PLCL2: variants seen among roughly 807,000 people sequenced by gnomAD.
The protein encoded by PLCL2 is inactive phospholipase C-like protein 2.
PLCL2 carries 4 observed loss-of-function variants against 79.6 expected under a neutral mutation model. The observed-to-expected ratio is 0.05, with a 90% CI of 0.02 to 0.11. PLCL2 has a LOEUF of 0.11. PLCL2 is among the 10% of genes least tolerant of loss of function. PLCL2 has a pLI of 1.00. For missense variants in PLCL2, 895 were observed against 1,291.0 expected, an observed-to-expected ratio of 0.69 and a Z score of 4.70; for synonymous variants, 484 against 457.7, an observed-to-expected ratio of 1.06 and a Z score of -0.73.
chr3:16,940,196 C>T (rs147318973), intron 1 of PLCL2, among the ~76,000 whole-genome samples: 2 of 152,308 alleles, frequency 1.3e-5, no homozygotes, highest in East Asian at 3.9e-4. Flanking sequence ...GACTCGTGCC[C>T]TTTCCCATTG....
intron 5 of PLCL2, among the ~76,000 whole-genome samples, chr3:17,074,480 G>A (rs1345158185): frequency 2.6e-5 from 4 of 152,104 alleles, no homozygotes; most frequent in South Asian, 2.1e-4. Flanking sequence ...AATTAGCATC[G>A]GCTGCTACTT....
At chr3:16,911,793 T>G (rs1213594267) in intron 1 of PLCL2, among the ~76,000 whole-genome samples, 1 of 152,208 alleles carries the variant, frequency 6.6e-6, no homozygotes, top group Admixed American at 6.5e-5. Context: ...CATCTGTAAT[T>G]CAAATATCCA....
chr3:17,021,614 A>AC (rs1271562419), intron 3 of PLCL2, among the ~76,000 whole-genome samples: 3 of 151,668 alleles, frequency 2.0e-5, no homozygotes, highest in African/African-American at 7.3e-5. Flanking sequence ...ACACACACAC[A>AC]CACACACACA....
chr3:17,058,724 G>A (rs2064915952), intron 4 of PLCL2, among the ~76,000 whole-genome samples: 1 of 152,088 alleles, frequency 6.6e-6, no homozygotes, highest in African/African-American at 2.4e-5. Context: ...AGGGATCGCT[G>A]GCCCCTAATG....
Position 16,885,278 on chromosome 3 carries a change from C to T in PLCL2, c.239C>T (p.Ala80Val). The T allele has an allele frequency of 3.0e-6, 2 of 661,708 alleles. No homozygotes were observed. Among genetic ancestry groups the T allele is most frequent in the Admixed American group, 2.3e-5 (1 of 44,200 alleles). 41.0% of individuals were successfully genotyped at this position (661,708 alleles called of 1,614,324 possible). ...ASPTRGPRGV[A>V]LAPTPSAVVC... ...CCTACCAGGGGACCCCGCGGCGTTGCGCTCGCCCCGACCCCCAGCGCGGTC... is the reference window on the plus strand; with the variant it reads ...CCTACCAGGGGACCCCGCGGCGTTGTGCTCGCCCCGACCCCCAGCGCGGTC... Residue 80 changes from alanine to valine, a missense_variant, in exon 1 of 6, where the codon GCG becomes GTG. By Grantham distance (64) the Ala-to-Val change is moderately conservative. Coordinates refer to ENST00000615277, the MANE Select transcript of PLCL2 (RefSeq NM_001144382.2).
At chr3:17,073,909 G>A (rs1003072456) in intron 5 of PLCL2, among the ~76,000 whole-genome samples, 2 of 152,060 alleles carry the variant, frequency 1.3e-5, no homozygotes, top group African/African-American at 4.8e-5. Context: ...TTTCCCCACT[G>A]TCGTCATGAA....
intron 1 of PLCL2, among the ~76,000 whole-genome samples, chr3:16,971,015 C>A (rs2063859691): frequency 6.6e-6 from 1 of 152,050 alleles, no homozygotes; most frequent in African/African-American, 2.4e-5. Flanking sequence ...TGTAGGTTGC[C>A]TGTTCACTCT....
chr3:16,951,584 T>C (rs1285137022), intron 1 of PLCL2, among the ~76,000 whole-genome samples: 1 of 152,092 alleles, frequency 6.6e-6, no homozygotes, highest in Non-Finnish European at 1.5e-5. Flanking sequence ...TTTTAACTTT[T>C]TGAATTGAAA....
intron 5 of PLCL2, among the ~76,000 whole-genome samples, chr3:17,088,888 A>T (rs2065247289): frequency 6.6e-6 from 1 of 152,174 alleles, no homozygotes; most frequent in Admixed American, 6.5e-5. Flanking sequence ...GACCTATATC[A>T]TGTTATACTG....
chr3:16,978,481 T>C (rs1382669171), intron 1 of PLCL2, among the ~76,000 whole-genome samples: 1 of 152,148 alleles, frequency 6.6e-6, no homozygotes, highest in African/African-American at 2.4e-5. Context: ...TCTGGTGAGA[T>C]GAGAGGAGAG....
chr3:16,923,905 T>C (rs1284613334), intron 1 of PLCL2, among the ~76,000 whole-genome samples: 2 of 152,126 alleles, frequency 1.3e-5, no homozygotes, highest in Non-Finnish European at 2.9e-5. Flanking sequence ...TGAAATTTTC[T>C]TTTAAGTTAT....
Position 17,090,590 on chromosome 3 carries a change from A to G in PLCL2, c.*678A>G, listed in dbSNP as rs1171721583. The stretch of plus-strand genomic sequence containing the variant: ...AGTGTTCACATTAAAAAGATGTTTT[A>G]TGATATTTCTCCAATAGCAGTACAT... On this transcript the variant is annotated 3_prime_UTR_variant, in exon 6 of 6. Transcript: ENST00000615277. 1 of 152,346 alleles carries G rather than the reference A, an allele frequency of 6.6e-6. No homozygotes were observed. The highest frequency in any genetic ancestry group is 1.5e-5 in the Non-Finnish European group (1 of 68,042). The allele number at this position is 152,346 out of a possible 1,614,324, so 9.4% of individuals were successfully genotyped here. A position where few individuals can be genotyped will look rare whatever the true frequency, so the allele number is the denominator to read the frequency against.
At chr3:17,048,057 C>CATG (rs2064799485) in intron 4 of PLCL2, among the ~76,000 whole-genome samples, 1 of 150,978 alleles carries the variant, frequency 6.6e-6, no homozygotes, top group Non-Finnish European at 1.5e-5. Context: ...GCCAGACCTA[C>CATG]ATGACCTGGA....
At chr3:16,997,422 T>A (rs191250697) in intron 1 of PLCL2, among the ~76,000 whole-genome samples, 1 of 145,264 alleles carries the variant, frequency 6.9e-6, no homozygotes, top group African/African-American at 2.5e-5. Context: ...TTGGAACTTA[T>A]GAGTGTTTTG....
At chr3:16,957,482 G>T (rs1239995975) in intron 1 of PLCL2, among the ~76,000 whole-genome samples, 1 of 152,230 alleles carries the variant, frequency 6.6e-6, no homozygotes, top group African/African-American at 2.4e-5. Context: ...GTGTGGTGTG[G>T]TGCTGAAAAA....
At chr3:17,013,001 T>A (rs989072580) in intron 2 of PLCL2, among the ~76,000 whole-genome samples, 2 of 152,204 alleles carry the variant, frequency 1.3e-5, no homozygotes, top group Non-Finnish European at 2.9e-5. Flanking sequence ...CTGAGAAAAT[T>A]CAACGTTTTT....
At chr3:16,992,299 C>A (rs1220645480) in intron 1 of PLCL2, among the ~76,000 whole-genome samples, 1 of 152,160 alleles carries the variant, frequency 6.6e-6, no homozygotes, top group African/African-American at 2.4e-5. Context: ...TCAGTGCCTT[C>A]ACCCTTCCTG....
intron 1 of PLCL2, among the ~76,000 whole-genome samples, chr3:16,942,962 A>G (rs542074998): frequency 2.0e-5 from 3 of 152,358 alleles, no homozygotes; most frequent in South Asian, 4.1e-4. Context: ...TGTGCATAGA[A>G]AAATGAGCTC....
At chr3:16,922,260 A>G (rs1697140572) in intron 1 of PLCL2, among the ~76,000 whole-genome samples, 1 of 152,152 alleles carries the variant, frequency 6.6e-6, no homozygotes, top group African/African-American at 2.4e-5. Context: ...TAAGCATATT[A>G]CCTCCCTCAA....
Sources: allele counts gnomAD v4.1 joint callset (sites outside exome capture counted in the v4.1 genomes callset), GRCh38; gene constraint gnomAD v4.1.1; transcripts MANE v1.5; gene names NCBI Gene and HGNC (gene_info 2026-07-23, HGNC 2026-07-21).